Variants in ARHGEF3 observed in about 807,000 individuals in gnomAD.
The protein encoded by ARHGEF3 is Rho guanine nucleotide exchange factor 3.
In ARHGEF3, 28 loss-of-function variants were observed where a neutral mutation model predicts 63.2. The ratio of observed to expected loss-of-function variants is 0.44; its 90% CI spans 0.33 to 0.61. ARHGEF3 has a LOEUF of 0.61. ARHGEF3 is among the 20% of genes least tolerant of loss of function. ARHGEF3 has a pLI of 0.03. For missense variants in ARHGEF3, 533 were observed against 659.3 expected, an observed-to-expected ratio of 0.81 and a Z score of 2.10; for synonymous variants, 266 against 254.2, an observed-to-expected ratio of 1.05 and a Z score of -0.44.
intron 1 of ARHGEF3, among the ~76,000 whole-genome samples, chr3:56,776,973 T>G (rs1262247125): frequency 2.0e-5 from 3 of 152,372 alleles, no homozygotes; most frequent in African/African-American, 7.2e-5. Context: ...GACAGTATTT[T>G]GTGAATAACA....
intron 4 of ARHGEF3, among the ~76,000 whole-genome samples, chr3:56,874,922 C>A (rs963100930): frequency 6.6e-6 from 1 of 152,120 alleles, no homozygotes; most frequent in African/African-American, 2.4e-5. Context: ...CAGGACCGTA[C>A]CACTGTGAGA....
intron 1 of ARHGEF3, among the ~76,000 whole-genome samples, chr3:57,047,761 G>A (rs763350437): frequency 1.3e-5 from 2 of 152,340 alleles, no homozygotes; most frequent in Admixed American, 1.3e-4. Flanking sequence ...GGAGCTGGAT[G>A]TAAGAGAGGA....
At chr3:56,942,641 A>C (rs1320879118) in intron 3 of ARHGEF3, among the ~76,000 whole-genome samples, 5 of 152,224 alleles carry the variant, frequency 3.3e-5, no homozygotes, top group African/African-American at 4.8e-5. Context: ...ACTTTAAGTC[A>C]AAAGCTAGAA....
chr3:57,041,554 T>C (rs1704187318), intron 1 of ARHGEF3, among the ~76,000 whole-genome samples: 1 of 152,052 alleles, frequency 6.6e-6, no homozygotes, highest in African/African-American at 2.4e-5. Context: ...AATATATATA[T>C]ACTAAGAAAA....
At chr3:56,993,793 C>T (rs967116275) in intron 2 of ARHGEF3, among the ~76,000 whole-genome samples, 2 of 150,246 alleles carry the variant, frequency 1.3e-5, no homozygotes, top group Admixed American at 6.6e-5. Flanking sequence ...GTAGGCCAGG[C>T]GCGGTGGCTC....
chr3:57,066,852 G>A (rs1209383433), intron 1 of ARHGEF3, among the ~76,000 whole-genome samples: 4 of 152,122 alleles, frequency 2.6e-5, no homozygotes, highest in Non-Finnish European at 5.9e-5. Context: ...GAGCCTTTGG[G>A]CTCACTGCAA....
intron 2 of ARHGEF3, among the ~76,000 whole-genome samples, chr3:57,014,221 A>G (rs1407282532): frequency 6.6e-6 from 1 of 152,198 alleles, no homozygotes; most frequent in Non-Finnish European, 1.5e-5. Flanking sequence ...ACACGTCTGA[A>G]TATCCGAAGG....
upstream of ARHGEF3, among the ~76,000 whole-genome samples, chr3:56,802,725 C>T (rs2037719710): frequency 6.6e-6 from 1 of 152,176 alleles, no homozygotes; most frequent in Non-Finnish European, 1.5e-5. Context: ...CACTACCACA[C>T]CTTTCTGGAT....
chr3:56,792,113 A>AAAAAAAAAAAAAAAGAAAAGAAAAG (rs55899473), intron 1 of ARHGEF3, among the ~76,000 whole-genome samples: 3 of 139,978 alleles, frequency 2.1e-5, no homozygotes, highest in African/African-American at 8.9e-5. Flanking sequence ...CAAAAAAAAA[A>AAAAAAAAAAAAAAAGAAAAGAAAAG]AAAAGAAAAG....
intron 2 of ARHGEF3, among the ~76,000 whole-genome samples, chr3:56,990,331 C>G (rs1283331067): frequency 6.6e-6 from 1 of 152,216 alleles, no homozygotes; most frequent in Non-Finnish European, 1.5e-5. Flanking sequence ...CGCCTGTAAT[C>G]CCACGACTTT....
intron 7 of ARHGEF3, among the ~76,000 whole-genome samples, chr3:56,744,539 T>C (rs921950609): frequency 3.3e-5 from 5 of 151,986 alleles, no homozygotes; most frequent in African/African-American, 1.2e-4. Context: ...GCTGGGATTA[T>C]AGGCATATGC....
chr3:56,950,597 T>C (rs891299385), intron 3 of ARHGEF3, among the ~76,000 whole-genome samples: 13 of 152,016 alleles, frequency 8.6e-5, no homozygotes, highest in Non-Finnish European at 1.6e-4. Flanking sequence ...CTCACACCAG[T>C]TAGAATGGCG....
intron 2 of ARHGEF3, among the ~76,000 whole-genome samples, chr3:56,965,162 G>A (rs1700437871): frequency 6.6e-6 from 1 of 152,096 alleles, no homozygotes. Flanking sequence ...GGCTGAGGTG[G>A]GAGGACTGCT....
chr3:56,988,554 T>C (rs181258473), intron 2 of ARHGEF3, among the ~76,000 whole-genome samples: 38 of 152,288 alleles, frequency 2.5e-4, no homozygotes, highest in Admixed American at 1.0e-3. Context: ...ATTAAAAGTA[T>C]GTTGGCAGGG....
chr3:56,993,941 G>A (rs1408274224), intron 2 of ARHGEF3, among the ~76,000 whole-genome samples: 4 of 151,120 alleles, frequency 2.6e-5, no homozygotes, highest in African/African-American at 7.3e-5. Flanking sequence ...ATGGGTGCCT[G>A]TAATCCCAGC....
intron 1 of ARHGEF3, among the ~76,000 whole-genome samples, chr3:57,046,256 T>A (rs1243884951): frequency 6.6e-6 from 1 of 152,184 alleles, no homozygotes; most frequent in Admixed American, 6.5e-5. Context: ...CGAAATAAAC[T>A]ACAGCTTTAA....
intron 1 of ARHGEF3, among the ~76,000 whole-genome samples, chr3:56,785,370 G>A (rs2036752307): frequency 6.6e-6 from 1 of 152,108 alleles, no homozygotes. Context: ...GGTCCTTATA[G>A]ATGGGTCTTG....
chr3:57,030,054 C>T (rs548212957), intron 2 of ARHGEF3, among the ~76,000 whole-genome samples: 6 of 152,194 alleles, frequency 3.9e-5, no homozygotes, highest in African/African-American at 1.4e-4. Flanking sequence ...GAAACCACCA[C>T]GTCTAATGGG....
chr3:57,067,771 G>C (rs1337690338), intron 1 of ARHGEF3, among the ~76,000 whole-genome samples: 2 of 150,958 alleles, frequency 1.3e-5, no homozygotes, highest in African/African-American at 4.9e-5. Flanking sequence ...CATGAGGTCA[G>C]GAGATCGAGA....
Sources: gnomAD v4.1 joint callset for allele counts (sites outside exome capture counted in the v4.1 genomes callset) on GRCh38, gnomAD v4.1.1 for gene constraint, MANE v1.5 for transcripts, NCBI Gene and HGNC (gene_info 2026-07-23, HGNC 2026-07-21) for gene names.